Variants in TNS3 observed in about 807,000 individuals in gnomAD.
The protein encoded by TNS3 is tensin 3.
TNS3 carries 45 observed loss-of-function variants against 140.9 expected under a neutral mutation model. That is an observed-to-expected ratio of 0.32 (90% CI 0.25 to 0.41). The LOEUF (loss-of-function observed/expected upper bound fraction) is 0.41, where lower values mean the gene tolerates loss of function less well. Among genes scored for constraint, TNS3 ranks in the 10% least tolerant of loss-of-function variants. The pLI, the probability that TNS3 is intolerant of heterozygous loss-of-function variation, is 1.00. For synonymous variants in TNS3, 815 were observed against 788.4 expected, an observed-to-expected ratio of 1.03 and a Z score of -0.56; for missense variants, 1,716 against 1,906.7, an observed-to-expected ratio of 0.90 and a Z score of 1.86.
At chr7:47,477,697 A>C (rs1254559164) in intron 4 of TNS3, among the ~76,000 whole-genome samples, 3 of 152,346 alleles carry the variant, frequency 2.0e-5, no homozygotes, top group South Asian at 2.1e-4. Flanking sequence ...CGGGGATGTC[A>C]GTATTATCTG....
chr7:47,328,267 T>G (rs1387888857), intron 20 of TNS3, among the ~76,000 whole-genome samples: 2 of 152,218 alleles, frequency 1.3e-5, no homozygotes, highest in Non-Finnish European at 2.9e-5. Flanking sequence ...GAGCTGCTGC[T>G]GGCTGTCGCG....
intron 16 of TNS3, among the ~76,000 whole-genome samples, chr7:47,391,931 A>G (rs1249434560): frequency 6.6e-6 from 1 of 152,188 alleles, no homozygotes; most frequent in East Asian, 1.9e-4. Flanking sequence ...TCTCGAGCAC[A>G]AGACACACTC....
chr7:47,487,381 G>C (rs1405029236), intron 3 of TNS3, among the ~76,000 whole-genome samples: 1 of 152,144 alleles, frequency 6.6e-6, no homozygotes, highest in African/African-American at 2.4e-5. Flanking sequence ...AAGCCTGGAG[G>C]CTTGGCTCCT....
chr7:47,526,254 GTATA>G (rs150448130), intron 2 of TNS3, among the ~76,000 whole-genome samples: 8,633 of 152,278 alleles, frequency 0.057, 356 homozygotes, highest in Non-Finnish European at 0.088. Flanking sequence ...TCCTCAAGCA[GTATA>G]ACCAACCTAG....
At position 47,389,095 on chromosome 7, in the gene TNS3, AGAGGAAGCG is replaced by A. The variant is rs1380055979; in HGVS notation, c.1024+7696_1024+7704del. On this transcript the variant is annotated intron_variant, in intron 16 of 30. Transcript: ENST00000311160. Reference sequence around the variant, plus strand: ...AAGAAGAAGAAGAAGAGGAAGAGGAAGAGGAAGCGGAAGCAGAAGAAGAAGAAGAAGAAG... The same window carrying A: ...AAGAAGAAGAAGAAGAGGAAGAGGAAGAAGCAGAAGAAGAAGAAGAAGAAG... Among the ~76,000 whole-genome samples the A allele has an allele frequency of 5.6e-4, 42 of 74,804 alleles. 9 individuals are homozygous for A. The highest frequency in any genetic ancestry group is 2.4e-3 in the East Asian group (5 of 2,116). 49.1% of individuals were successfully genotyped at this position (74,804 alleles called of 152,430 possible).
At chr7:47,556,906 C>A in intron 1 of TNS3, 1 of 411,116 alleles carries the variant, frequency 2.4e-6, no homozygotes, top group Admixed American at 2.6e-5. Flanking sequence ...TGCAACGGTG[C>A]TGGGCAGAAG....
chr7:47,532,051 G>C (rs1799424975), intron 1 of TNS3, among the ~76,000 whole-genome samples: 1 of 125,954 alleles, frequency 7.9e-6, no homozygotes, highest in East Asian at 2.3e-4. Flanking sequence ...TGCACCCTCG[G>C]GCGCATGGGA....
intron 3 of TNS3, 127 bp from the exon 4 acceptor site, chr7:47,481,268 G>A: frequency 1.5e-6 from 1 of 655,736 alleles, no homozygotes; most frequent in Non-Finnish European, 2.4e-6. Context: ...CAAAGCTGTA[G>A]CAGATCAAGA....
chr7:47,470,661 G>A (rs1435047672), intron 4 of TNS3: 4 of 985,390 alleles, frequency 4.1e-6, no homozygotes, highest in African/African-American at 1.7e-5. Flanking sequence ...GCAGGTAATG[G>A]TCAGGGCTGA....
intron 20 of TNS3, among the ~76,000 whole-genome samples, chr7:47,325,943 C>T (rs1260828839): frequency 6.6e-6 from 1 of 152,192 alleles, no homozygotes; most frequent in African/African-American, 2.4e-5. Context: ...ATGCATGGTC[C>T]TGGCTGCAAA....
At chr7:47,475,847 T>G (rs1017780359) in intron 4 of TNS3, among the ~76,000 whole-genome samples, 1 of 152,196 alleles carries the variant, frequency 6.6e-6, no homozygotes, top group African/African-American at 2.4e-5. Flanking sequence ...CAGACTCGCA[T>G]GCGCCCTTGT....
At chr7:47,478,222 G>A (rs1400150583) in intron 4 of TNS3, among the ~76,000 whole-genome samples, 1 of 152,100 alleles carries the variant, frequency 6.6e-6, no homozygotes, top group African/African-American at 2.4e-5. Flanking sequence ...TTAAAGCACC[G>A]ATCGCAGGGC....
Position 47,285,778 on chromosome 7 carries a change from T to C in TNS3, c.3929-1913A>G, listed in dbSNP as rs529239264. On this transcript the variant is annotated intron_variant, in intron 27 of 30. Coordinates refer to ENST00000311160, the MANE Select transcript of TNS3 (RefSeq NM_022748.12). ...GCTAACCTTCAGGGAAAGACATTTG[T>C]GCCACATATTCATTACAGTGGGAAA... Among the ~76,000 whole-genome samples the C allele has an allele frequency of 2.0e-5, 3 of 152,306 alleles. No individual in the cohort carries two copies. The East Asian group carries it at 5.8e-4, about 29-fold the overall frequency.
chr7:47,533,634 C>T (rs1273159522), intron 1 of TNS3, among the ~76,000 whole-genome samples: 1 of 152,102 alleles, frequency 6.6e-6, no homozygotes, highest in Non-Finnish European at 1.5e-5. Flanking sequence ...ACTGATATGG[C>T]TTGACTGTGT....
intron 3 of TNS3, among the ~76,000 whole-genome samples, chr7:47,495,333 G>A (rs1018399313): frequency 6.6e-6 from 1 of 152,170 alleles, no homozygotes; most frequent in Non-Finnish European, 1.5e-5. Context: ...CATCAACTAA[G>A]TGCCTGTCCT....
At chr7:47,285,320 TC>T (rs1785357885) in intron 27 of TNS3, among the ~76,000 whole-genome samples, 1 of 152,224 alleles carries the variant, frequency 6.6e-6, no homozygotes, top group African/African-American at 2.4e-5. Context: ...CCAAATCTCA[TC>T]TTGAATTGTA....
rs577505210 is a variant in TNS3, at chr7:47,379,167, T to A, written c.1025-9546A>T. Among the ~76,000 whole-genome samples the A allele has an allele frequency of 5.9e-5, 9 of 152,202 alleles. 1 individual carries two copies. The South Asian group carries it at 1.9e-3, about 32-fold the overall frequency. The stretch of plus-strand genomic sequence containing the variant: ...GGAGGTACGGGTAGCCCGGGCAGTG[T>A]CCCAAGGGTACCTGATCCCTGGAGG... On this transcript the variant is annotated intron_variant, in intron 16 of 30. Coordinates refer to ENST00000311160, the MANE Select transcript of TNS3 (RefSeq NM_022748.12).
At chr7:47,346,121 C>G in intron 18 of TNS3, 66 bp downstream of exon 18, 1 of 1,579,848 alleles carries the variant, frequency 6.3e-7, no homozygotes, top group South Asian at 1.2e-5. Context: ...CCCATTCACT[C>G]GGGGTTCCAG....
At chr7:47,422,503 C>T (rs1288187060) in intron 10 of TNS3, among the ~76,000 whole-genome samples, 2 of 152,094 alleles carry the variant, frequency 1.3e-5, no homozygotes, top group African/African-American at 4.8e-5. Context: ...GTCTCAGCTA[C>T]TCAAGAGGCT....
Sources: allele counts gnomAD v4.1 joint callset (sites outside exome capture counted in the v4.1 genomes callset), GRCh38; gene constraint gnomAD v4.1.1; transcripts MANE v1.5; gene names NCBI Gene and HGNC (gene_info 2026-07-23, HGNC 2026-07-21).